Variants in LGSN observed in about 807,000 individuals in gnomAD.
The protein encoded by LGSN is lengsin.
LGSN carries 21 observed loss-of-function variants against 19.5 expected under a neutral mutation model. The ratio of observed to expected loss-of-function variants is 1.07; its 90% CI spans 0.76 to 1.55. The LOEUF (loss-of-function observed/expected upper bound fraction) is 1.55. Ranked by LOEUF, LGSN falls within the 40% of genes most tolerant of loss-of-function variation. The pLI, the probability that LGSN is intolerant of heterozygous loss-of-function variation, is 0.00. For synonymous variants in LGSN, 257 were observed against 215.6 expected (o/e 1.19, Z -1.68); for missense variants, 673 against 608.5 (o/e 1.11, Z -1.12).
intron 2 of LGSN, among the ~76,000 whole-genome samples, chr6:63,288,230 AAAATAAATAAAT>A (rs561099445): frequency 1.5e-4 from 21 of 138,516 alleles, no homozygotes; most frequent in East Asian, 1.0e-3. Flanking sequence ...CCATCTCAAA[AAAATAAATAAAT>A]AAATAAATAA....
chr6:63,542,273 G>A, the LGSN span, among the ~76,000 whole-genome samples: 1 of 151,962 alleles, frequency 6.6e-6, no homozygotes. Flanking sequence ...GGACTCAGGG[G>A]GAAAGGGTGG....
At chr6:63,572,527 C>A in the LGSN span, 7 of 392,202 alleles carry the variant, frequency 1.8e-5, no homozygotes, top group African/African-American at 1.2e-4. Flanking sequence ...GGCTCGGCTA[C>A]GCGCTCTGCT....
chr6:63,341,721 TA>T, the LGSN span, among the ~76,000 whole-genome samples: 1 of 152,166 alleles, frequency 6.6e-6, no homozygotes, highest in Non-Finnish European at 1.5e-5. Context: ...CAGTGGGGGC[TA>T]AAGGGATATT....
the LGSN span, among the ~76,000 whole-genome samples, chr6:63,518,860 C>G: frequency 6.6e-6 from 1 of 152,056 alleles, no homozygotes; most frequent in Admixed American, 6.5e-5. Context: ...AAAGGTAACT[C>G]TTGAAGACTG....
chr6:63,338,318 T>G, the LGSN span, among the ~76,000 whole-genome samples: 102 of 152,262 alleles, frequency 6.7e-4, no homozygotes, highest in African/African-American at 2.3e-3. Flanking sequence ...AGGGTTTGGG[T>G]TGGGGGTACA....
the LGSN span, among the ~76,000 whole-genome samples, chr6:63,528,573 C>A: frequency 1.3e-5 from 2 of 151,624 alleles, no homozygotes; most frequent in Admixed American, 1.3e-4. Context: ...AAAAATATAA[C>A]AAAACAAATT....
the LGSN span, among the ~76,000 whole-genome samples, chr6:63,442,920 C>G: frequency 1.3e-5 from 2 of 152,254 alleles, no homozygotes; most frequent in African/African-American, 4.8e-5. Flanking sequence ...CACGCCAGGA[C>G]CACGGGTGGA....
At chr6:63,297,354 C>CAAAA (rs75453519) in intron 1 of LGSN, among the ~76,000 whole-genome samples, 1 of 73,934 alleles carries the variant, frequency 1.4e-5, no homozygotes, top group Non-Finnish European at 2.6e-5. Context: ...GCCTCGGTAT[C>CAAAA]AAAAAAAAAA....
the LGSN span, among the ~76,000 whole-genome samples, chr6:63,541,397 C>CA: frequency 7.2e-5 from 11 of 151,800 alleles, no homozygotes; most frequent in South Asian, 2.1e-4. Flanking sequence ...ACTAAAAAAA[C>CA]AAAAAAATAG....
At chr6:63,429,488 C>T in the LGSN span, among the ~76,000 whole-genome samples, 2 of 152,122 alleles carry the variant, frequency 1.3e-5, no homozygotes, top group Non-Finnish European at 2.9e-5. Flanking sequence ...GTAATCCCAG[C>T]ACTTTGGGAG....
chr6:63,325,876 G>A, the LGSN span, among the ~76,000 whole-genome samples: 1 of 152,134 alleles, frequency 6.6e-6, no homozygotes, highest in Non-Finnish European at 1.5e-5. Flanking sequence ...AAAGAACAAA[G>A]CTTCCACAGT....
the LGSN span, among the ~76,000 whole-genome samples, chr6:63,451,735 C>T: frequency 1.3e-5 from 2 of 151,614 alleles, no homozygotes; most frequent in African/African-American, 2.4e-5. Flanking sequence ...TGCATATGTA[C>T]CTCTGAATGT....
chr6:63,564,111 C>T, the LGSN span, among the ~76,000 whole-genome samples: 1 of 152,020 alleles, frequency 6.6e-6, no homozygotes, highest in South Asian at 2.1e-4. Flanking sequence ...CCCATCTCTA[C>T]TAAAAATACA....
At chr6:63,285,202 C>G (rs1339904458) in intron 3 of LGSN, among the ~76,000 whole-genome samples, 1 of 152,128 alleles carries the variant, frequency 6.6e-6, no homozygotes, top group Non-Finnish European at 1.5e-5. Flanking sequence ...TCTATTTAAT[C>G]ATTTTTTCCT....
the LGSN span, among the ~76,000 whole-genome samples, chr6:63,350,775 C>T: frequency 6.6e-6 from 1 of 151,880 alleles, no homozygotes; most frequent in Non-Finnish European, 1.5e-5. Context: ...TCACTTGAAC[C>T]TGTGGGGCAG....
At chr6:63,566,329 T>G in the LGSN span, among the ~76,000 whole-genome samples, 5 of 152,326 alleles carry the variant, frequency 3.3e-5, no homozygotes, top group African/African-American at 1.2e-4. Context: ...TTACCCACAT[T>G]AGTCTGTAGC....
chr6:63,329,182 G>C, the LGSN span, among the ~76,000 whole-genome samples: 1 of 152,206 alleles, frequency 6.6e-6, no homozygotes, highest in Non-Finnish European at 1.5e-5. Context: ...TTGAGAAGTA[G>C]CTTAGATCTT....
the LGSN span, among the ~76,000 whole-genome samples, chr6:63,537,394 A>T: frequency 1.3e-5 from 2 of 152,206 alleles, no homozygotes; most frequent in African/African-American, 2.4e-5. Context: ...CCATATTAGT[A>T]ACACCTGGGA....
chr6:63,451,712 T>A, the LGSN span, among the ~76,000 whole-genome samples: 4 of 151,972 alleles, frequency 2.6e-5, no homozygotes, highest in African/African-American at 9.7e-5. Context: ...CAAGTTTACC[T>A]ATGTAACAAA....
Sources: gnomAD v4.1 joint callset for allele counts (sites outside exome capture counted in the v4.1 genomes callset) on GRCh38, gnomAD v4.1.1 for gene constraint, MANE v1.5 for transcripts, NCBI Gene and HGNC (gene_info 2026-07-23, HGNC 2026-07-21) for gene names.